The following FRMPD2 variants were observed in gnomAD, a reference collection of about 807,000 sequenced individuals.
FRMPD2 encodes the protein FERM and PDZ domain containing 2, also known as FERM and PDZ domain-containing protein 2.
FRMPD2 carries 96 observed loss-of-function variants against 140.1 expected under a neutral mutation model. That is an observed-to-expected ratio of 0.69 (90% CI 0.58 to 0.81). FRMPD2 has a LOEUF of 0.81. FRMPD2 is among the 40% of genes least tolerant of loss of function. The pLI, the probability that FRMPD2 is intolerant of heterozygous loss-of-function variation, is 0.00. For synonymous variants in FRMPD2, 449 were observed against 547.6 expected, an observed-to-expected ratio of 0.82 and a Z score of 2.52; for missense variants, 1,240 against 1,447.4, an observed-to-expected ratio of 0.86 and a Z score of 2.32.
intron 13 of FRMPD2, among the ~76,000 whole-genome samples, chr10:48,210,115 T>C (rs1260644289): frequency 1.3e-5 from 2 of 152,250 alleles, no homozygotes; most frequent in East Asian, 3.9e-4. Context: ...ATGTTTACTT[T>C]TATAATCAGG....
intron 14 of FRMPD2, among the ~76,000 whole-genome samples, chr10:48,205,750 A>T (rs1040807934): frequency 6.6e-6 from 1 of 152,306 alleles, no homozygotes; most frequent in East Asian, 1.9e-4. Flanking sequence ...ATTGTGCTCA[A>T]TTATTATTTA....
At chr10:48,228,505 A>G (rs1839775522) in intron 10 of FRMPD2, among the ~76,000 whole-genome samples, 2 of 151,994 alleles carry the variant, frequency 1.3e-5, no homozygotes, top group African/African-American at 4.8e-5. Context: ...AGAGGAACAA[A>G]AGATATTTGG....
chr10:48,271,919 C>A (rs929669089), intron 1 of FRMPD2, among the ~76,000 whole-genome samples: 1 of 152,156 alleles, frequency 6.6e-6, no homozygotes, highest in African/African-American at 2.4e-5. Context: ...TGGCATATGG[C>A]AGTTTTTCAA....
chr10:48,216,981 A>C (rs557414449), intron 12 of FRMPD2, among the ~76,000 whole-genome samples: 7 of 152,314 alleles, frequency 4.6e-5, no homozygotes, highest in African/African-American at 1.2e-4. Context: ...GATTGTCAAA[A>C]GGGCAGGGAG....
At chr10:48,178,327 A>T (rs1472996927) in intron 21 of FRMPD2, among the ~76,000 whole-genome samples, 176 bp from the exon 22 acceptor site, 3 of 152,142 alleles carry the variant, frequency 2.0e-5, no homozygotes, top group Non-Finnish European at 4.4e-5. Flanking sequence ...GACCTCAGAC[A>T]AAGCAGGAGG....
At chr10:48,202,486 G>T (rs1839109152) in intron 14 of FRMPD2, among the ~76,000 whole-genome samples, 1 of 152,158 alleles carries the variant, frequency 6.6e-6, no homozygotes, top group African/African-American at 2.4e-5. Context: ...CTCATTCTCT[G>T]TATACTCTTT....
chr10:48,170,983 A>T lies in FRMPD2; in HGVS notation c.3438+11T>A. ...TGCACAGAGAGCTGCATTGCCCATGACCCCCGGCACCTGGAAGATGAGGCC... is the reference window on the plus strand; with the variant it reads ...TGCACAGAGAGCTGCATTGCCCATGTCCCCCGGCACCTGGAAGATGAGGCC... On this transcript the variant is annotated intron_variant, in intron 26 of 28. Transcript: ENST00000374201. The T allele has an allele frequency of 1.4e-6, 1 of 727,904 alleles. No homozygotes were observed. The highest frequency in any genetic ancestry group is 2.5e-6 in the Non-Finnish European group (1 of 392,628). 45.1% of individuals were successfully genotyped at this position (727,904 alleles called of 1,614,324 possible).
chr10:48,225,852 G>C (rs1038217653), intron 10 of FRMPD2, among the ~76,000 whole-genome samples: 1 of 152,134 alleles, frequency 6.6e-6, no homozygotes, highest in African/African-American at 2.4e-5. Context: ...TCTTGGATTT[G>C]AGCACCCTCA....
chr10:48,257,245 C>A (rs112480083), intron 1 of FRMPD2, among the ~76,000 whole-genome samples: 1 of 150,910 alleles, frequency 6.6e-6, no homozygotes, highest in Admixed American at 6.6e-5. Flanking sequence ...GATACCTTTA[C>A]GGTTTTTATT....
At chr10:48,269,482 G>T (rs1216916716) in intron 1 of FRMPD2, among the ~76,000 whole-genome samples, 3 of 152,190 alleles carry the variant, frequency 2.0e-5, no homozygotes, top group African/African-American at 7.2e-5. Flanking sequence ...GCCTTCAGAG[G>T]GATGCAGAAG....
chr10:48,228,144 C>T (rs1464139898), intron 10 of FRMPD2, among the ~76,000 whole-genome samples: 1 of 151,870 alleles, frequency 6.6e-6, no homozygotes, highest in Non-Finnish European at 1.5e-5. Context: ...TAATACTTGC[C>T]TGATTTACTA....
intron 21 of FRMPD2, among the ~76,000 whole-genome samples, chr10:48,180,260 G>C (rs1457384834): frequency 6.6e-6 from 1 of 152,234 alleles, no homozygotes; most frequent in African/African-American, 2.4e-5. Context: ...GCTGGGGCAT[G>C]GGTCTGGCGG....
chr10:48,175,970 A>G, intron 22 of FRMPD2, 31 bp from the exon 23 acceptor site: 1 of 1,578,210 alleles, frequency 6.3e-7, no homozygotes, highest in South Asian at 1.1e-5. Context: ...CTCACCACCC[A>G]TCTTTCCTCC....
At chr10:48,219,779 AG>A (rs1839537017) in intron 12 of FRMPD2, among the ~76,000 whole-genome samples, 2 of 152,240 alleles carry the variant, frequency 1.3e-5, no homozygotes. Flanking sequence ...GGATTATAAC[AG>A]AGGACTATCA....
At chr10:48,215,986 C>T (rs1320023880) in intron 12 of FRMPD2, among the ~76,000 whole-genome samples, 1 of 152,180 alleles carries the variant, frequency 6.6e-6, no homozygotes, top group Non-Finnish European at 1.5e-5. Flanking sequence ...GTACCTCATT[C>T]AATCTGTTGA....
intron 14 of FRMPD2, 146 bp downstream of exon 14, chr10:48,206,602 T>G (rs1219119791): frequency 1.5e-6 from 1 of 650,542 alleles, no homozygotes; most frequent in Admixed American, 2.8e-5. Flanking sequence ...CTGCAATGCA[T>G]CAGAATGCAG....
At chr10:48,212,297 A>T (rs1480137964) in intron 12 of FRMPD2, among the ~76,000 whole-genome samples, 188 bp from the exon 13 acceptor site, 1 of 152,210 alleles carries the variant, frequency 6.6e-6, no homozygotes, top group Non-Finnish European at 1.5e-5. Context: ...GGACATGAAC[A>T]GAAAAGAGAG....
intron 5 of FRMPD2, among the ~76,000 whole-genome samples, chr10:48,241,184 G>A (rs1206106947): frequency 6.6e-6 from 1 of 152,120 alleles, no homozygotes; most frequent in Non-Finnish European, 1.5e-5. Context: ...CAAGAAGGAG[G>A]CCTTCTCTGA....
At chr10:48,240,257 C>T (rs372121486) in intron 6 of FRMPD2, 103 bp downstream of exon 6, 19 of 1,312,508 alleles carry the variant, frequency 1.4e-5, no homozygotes, top group Admixed American at 1.2e-4. Flanking sequence ...CTTACATAGG[C>T]TTTCTCTGCC....
Sources: allele counts gnomAD v4.1 joint callset (sites outside exome capture counted in the v4.1 genomes callset), GRCh38; gene constraint gnomAD v4.1.1; transcripts MANE v1.5; gene names NCBI Gene and HGNC (gene_info 2026-07-23, HGNC 2026-07-21).